The following MACROD2 variants were observed in gnomAD, a reference collection of about 807,000 sequenced individuals.
The protein encoded by MACROD2 is ADP-ribose glycohydrolase MACROD2.
In MACROD2, 36 loss-of-function variants were observed where a neutral mutation model predicts 70.4. The ratio of observed to expected loss-of-function variants is 0.51; its 90% confidence interval spans 0.39 to 0.68. The LOEUF is 0.68. MACROD2 is among the 30% of genes least tolerant of loss of function. The pLI, the probability that MACROD2 is intolerant of heterozygous loss-of-function variation, is 0.00. For synonymous variants in MACROD2, 172 were observed against 178.8 expected, an observed-to-expected ratio of 0.96 and a Z score of 0.30; for missense variants, 496 against 538.4, an observed-to-expected ratio of 0.92 and a Z score of 0.78.
intron 5 of MACROD2, among the ~76,000 whole-genome samples, chr20:14,698,288 C>T (rs113101947): frequency 1.3e-5 from 2 of 152,158 alleles, no homozygotes; most frequent in African/African-American, 2.4e-5. Flanking sequence ...TGAAGCCCAA[C>T]ATTCTAGGCT....
chr20:15,814,677 T>C (rs533012158), intron 8 of MACROD2, among the ~76,000 whole-genome samples: 78 of 152,354 alleles, frequency 5.1e-4, no homozygotes, highest in Non-Finnish European at 6.3e-4. Context: ...TGGACTCCAT[T>C]CATTAGAATT....
At chr20:15,655,316 C>CTT (rs10595680) in intron 8 of MACROD2, among the ~76,000 whole-genome samples, 5 of 140,010 alleles carry the variant, frequency 3.6e-5, no homozygotes, top group Admixed American at 1.4e-4. Context: ...TAGAGTTCCA[C>CTT]TTTTTTTTTT....
intron 16 of MACROD2, among the ~76,000 whole-genome samples, chr20:16,042,649 C>G (rs534311823): frequency 6.6e-6 from 1 of 152,112 alleles, no homozygotes; most frequent in South Asian, 2.1e-4. Context: ...AAAAGGAATA[C>G]TCTCCTGTAT....
intron 5 of MACROD2, among the ~76,000 whole-genome samples, chr20:14,772,905 A>G (rs1274772367): frequency 1.3e-5 from 2 of 152,048 alleles, no homozygotes; most frequent in Non-Finnish European, 2.9e-5. Context: ...CTTTCTTCAT[A>G]TAACAAGTCC....
At chr20:14,938,442 A>G (rs1369377622) in intron 5 of MACROD2, among the ~76,000 whole-genome samples, 2 of 152,102 alleles carry the variant, frequency 1.3e-5, no homozygotes, top group Non-Finnish European at 2.9e-5. Context: ...TCTGATGATT[A>G]GTCATATTGA....
chr20:15,449,705 C>A (rs2046615033), intron 7 of MACROD2, among the ~76,000 whole-genome samples: 1 of 151,960 alleles, frequency 6.6e-6, no homozygotes, highest in Non-Finnish European at 1.5e-5. Context: ...TTTAAACATG[C>A]ACAGAGGCTG....
intron 3 of MACROD2, among the ~76,000 whole-genome samples, chr20:14,226,525 A>T (rs1476781038): frequency 1.3e-5 from 2 of 152,092 alleles, no homozygotes; most frequent in Non-Finnish European, 2.9e-5. Context: ...CGCGAGCGGG[A>T]ACCGGGGCTG....
At chr20:15,799,783 T>C (rs1314113046) in intron 8 of MACROD2, among the ~76,000 whole-genome samples, 1 of 152,228 alleles carries the variant, frequency 6.6e-6, no homozygotes, top group Non-Finnish European at 1.5e-5. Flanking sequence ...AATATTTGAT[T>C]TCCTTTCCTT....
At chr20:14,027,278 G>A (rs2053183014) in intron 2 of MACROD2, among the ~76,000 whole-genome samples, 3 of 151,852 alleles carry the variant, frequency 2.0e-5, no homozygotes, top group Admixed American at 6.6e-5. Flanking sequence ...TATGCTTCAC[G>A]AAGTTCTCGT....
chr20:14,431,725 GTGCTCTGCCTTTAAGA>G (rs2122930220), intron 3 of MACROD2, among the ~76,000 whole-genome samples: 1 of 152,290 alleles, frequency 6.6e-6, no homozygotes, highest in South Asian at 2.1e-4. Context: ...ATCTGGTGCA[GTGCTCTGCCTTTAAGA>G]TGAGGAAGTG....
At chr20:15,233,977 ATTTATT>A (rs1426290803) in intron 6 of MACROD2, among the ~76,000 whole-genome samples, 3,789 of 43,804 alleles carry the variant, frequency 0.086, 386 homozygotes, top group Non-Finnish European at 0.11. Flanking sequence ...TTTTATATAT[ATTTATT>A]TATATATATA....
intron 8 of MACROD2, among the ~76,000 whole-genome samples, chr20:15,762,758 A>C (rs528976422): frequency 2.0e-5 from 3 of 152,338 alleles, no homozygotes; most frequent in African/African-American, 7.2e-5. Flanking sequence ...GTGACTTGCT[A>C]ATAACCAAAG....
intron 8 of MACROD2, among the ~76,000 whole-genome samples, chr20:15,598,507 T>A (rs897624960): frequency 5.9e-5 from 9 of 152,210 alleles, no homozygotes; most frequent in African/African-American, 2.2e-4. Context: ...GCACTTCTGA[T>A]CTTGCCAGTC....
At chr20:14,497,469 T>A (rs1215994321) in intron 4 of MACROD2, among the ~76,000 whole-genome samples, 1 of 151,798 alleles carries the variant, frequency 6.6e-6, no homozygotes, top group African/African-American at 2.4e-5. Flanking sequence ...ACTGAAGAGC[T>A]AATTCCTCAC....
At chr20:15,584,722 A>G (rs2048573656) in intron 8 of MACROD2, among the ~76,000 whole-genome samples, 1 of 152,144 alleles carries the variant, frequency 6.6e-6, no homozygotes, top group Non-Finnish European at 1.5e-5. Context: ...GGGGCTGGTT[A>G]CCACCTTCCC....
intron 6 of MACROD2, among the ~76,000 whole-genome samples, chr20:15,298,280 C>T (rs1375576074): frequency 6.6e-6 from 1 of 152,110 alleles, no homozygotes; most frequent in African/African-American, 2.4e-5. Flanking sequence ...AGTGTATCTC[C>T]CTGGGCCTTG....
chr20:14,961,664 A>G (rs1021492123), intron 5 of MACROD2, among the ~76,000 whole-genome samples: 11 of 151,776 alleles, frequency 7.2e-5, no homozygotes, highest in Admixed American at 5.9e-4. Context: ...TCCCCATCCC[A>G]CTTCGGCCTC....
intron 8 of MACROD2, among the ~76,000 whole-genome samples, chr20:15,525,149 G>A (rs1022364212): frequency 6.6e-6 from 1 of 152,164 alleles, no homozygotes; most frequent in African/African-American, 2.4e-5. Flanking sequence ...AGATGTGTTT[G>A]GTGATGATGT....
intron 6 of MACROD2, among the ~76,000 whole-genome samples, chr20:15,428,128 A>C (rs2046322259): frequency 6.6e-6 from 1 of 152,218 alleles, no homozygotes; most frequent in South Asian, 2.1e-4. Flanking sequence ...ACTACTTCTC[A>C]GACACAATGC....
Sources: allele counts gnomAD v4.1 joint callset (sites outside exome capture counted in the v4.1 genomes callset), GRCh38; gene constraint gnomAD v4.1.1; transcripts MANE v1.5; gene names NCBI Gene and HGNC (gene_info 2026-07-23, HGNC 2026-07-21).